Variants in BAIAP2 observed in about 807,000 individuals in gnomAD.
BAIAP2 encodes BAR/IMD domain-containing adapter protein 2.
In BAIAP2, 18 loss-of-function variants were observed where a neutral mutation model predicts 63.0. That is an observed-to-expected ratio of 0.29 (90% confidence interval 0.20 to 0.42). The LOEUF is 0.42. BAIAP2 is among the 10% of genes least tolerant of loss of function. The pLI, the probability that BAIAP2 is intolerant of heterozygous loss-of-function variation, is 1.00. For synonymous variants in BAIAP2, 386 were observed against 307.6 expected (o/e 1.25, Z -2.67); for missense variants, 610 against 734.3 (o/e 0.83, Z 1.96).
intron 6 of BAIAP2, among the ~76,000 whole-genome samples, chr17:81,089,054 C>T (rs960150096): frequency 6.6e-6 from 1 of 152,276 alleles, no homozygotes; most frequent in African/African-American, 2.4e-5. Flanking sequence ...TCTGCCTGCC[C>T]TCCGCGCTGC....
intron 13 of BAIAP2, among the ~76,000 whole-genome samples, chr17:81,115,307 C>G (rs2060404181): frequency 6.6e-6 from 1 of 152,242 alleles, no homozygotes; most frequent in African/African-American, 2.4e-5. Flanking sequence ...CTGGATGCCC[C>G]CATGCCAGGG....
At chr17:81,096,966 A>G (rs558773494) in intron 6 of BAIAP2, among the ~76,000 whole-genome samples, 28 of 152,068 alleles carry the variant, frequency 1.8e-4, no homozygotes, top group East Asian at 1.5e-3. Context: ...GGAGGAGAAG[A>G]AGGAGAAAGG....
chr17:81,057,991 C>CAAAGAA lies in BAIAP2; in HGVS notation c.217+24_217+25insAAAGAA. On this transcript the variant is annotated intron_variant, in intron 3 of 13. Transcript: ENST00000428708. The stretch of plus-strand genomic sequence containing the variant: ...CGGTGAGACCCCCCCCCCCCCCCCG[C>CAAAGAA]CTGGTAGTCGCCTGATGCCCTCAGG... 2.1e-6 allele frequency: 2 copies of CAAAGAA among 966,064 alleles called. 1 individual carries two copies. The highest frequency in any genetic ancestry group is 7.1e-4 in the Middle Eastern group (2 of 2,810). 59.8% of individuals were successfully genotyped at this position (966,064 alleles called of 1,614,324 possible). A position where few individuals can be genotyped will look rare whatever the true frequency, so the allele number is the denominator to read the frequency against.
rs550731746 is a variant in BAIAP2 at position 81,035,321 on chromosome 17, C to T, written c.54+13C>T. ...AAATGTCTATAAGGTGAGCGCCCCC[C>T]GGCGCCGAGCTGAGCCCGCTCCGTG... On this transcript the variant is annotated intron_variant, in intron 1 of 13. Transcript: ENST00000428708. 1.4e-6 allele frequency: 2 copies of T among 1,417,394 alleles called. No homozygotes were observed. The highest frequency in any genetic ancestry group is 9.3e-7 in the Non-Finnish European group (1 of 1,070,864). The allele number at this position is 1,417,394 out of a possible 1,614,324, so 87.8% of individuals were successfully genotyped here. A position where few individuals can be genotyped will look rare whatever the true frequency, so the allele number is the denominator to read the frequency against.
Position 81,087,675 on chromosome 17 carries a change from G to A in BAIAP2, c.489+1095G>A, listed in dbSNP as rs139709172. The A allele has an allele frequency of 5.8e-3, 884 of 152,344 alleles. 3 individuals are homozygous for A. The highest frequency in any genetic ancestry group is 9.7e-3 in the Non-Finnish European group (662 of 68,076). The allele number at this position is 152,344 out of a possible 1,614,324, so 9.4% of individuals were successfully genotyped here. A position where few individuals can be genotyped will look rare whatever the true frequency, so the allele number is the denominator to read the frequency against. On this transcript the variant is annotated intron_variant, in intron 6 of 13. Transcript: ENST00000428708. ...TGAGAGTCTGTGGAAACAGCCATAC[G>A]GGGGAGCTGGGGGTCCCTCGGGTGC...
intron 12 of BAIAP2, 167 bp from the exon 13 acceptor site, chr17:81,108,308 C>A: frequency 1.5e-6 from 1 of 683,198 alleles, no homozygotes; most frequent in Non-Finnish European, 2.5e-6. Context: ...ACCAGGGCTC[C>A]AGGCAGGTCT....
chr17:81,100,373 G>A (rs2058323801), intron 7 of BAIAP2, among the ~76,000 whole-genome samples: 1 of 152,078 alleles, frequency 6.6e-6, no homozygotes, highest in African/African-American at 2.4e-5. Flanking sequence ...TTCTGCCACA[G>A]CCATGTCCTG....
At position 81,063,504 on chromosome 17, in the gene BAIAP2, G is replaced by C. The variant is rs749378265; in HGVS notation, c.217+5537G>C. 2.0e-5 allele frequency among the ~76,000 whole-genome samples: 3 copies of C among 152,238 alleles called. No homozygotes were observed. In the East Asian group the frequency reaches 5.8e-4, roughly 29 times the overall value. Reference sequence around the variant, plus strand: ...AGGGGCCCTGAGGCTGAGCTCTCCTGCGGGATGAATTCCACAAGGCCCCGT... The same window carrying C: ...AGGGGCCCTGAGGCTGAGCTCTCCTCCGGGATGAATTCCACAAGGCCCCGT... On this transcript the variant is annotated intron_variant, in intron 3 of 13. Coordinates refer to ENST00000428708, the MANE Select transcript of BAIAP2 (RefSeq NM_001144888.2).
intron 12 of BAIAP2, 123 bp from the exon 13 acceptor site, chr17:81,108,352 C>G: frequency 8.9e-7 from 1 of 1,125,850 alleles, no homozygotes; most frequent in Non-Finnish European, 1.3e-6. Context: ...GGGAGCCTTC[C>G]AAAGGAACAC....
intron 2 of BAIAP2, chr17:81,056,302 C>T (rs1165812132): frequency 6.6e-6 from 1 of 152,246 alleles, no homozygotes; most frequent in Non-Finnish European, 1.5e-5. Flanking sequence ...GGGTCTGAAT[C>T]TTGGCCATTA....
chr17:81,054,418 T>G (rs1262314652), intron 2 of BAIAP2, among the ~76,000 whole-genome samples: 4 of 152,162 alleles, frequency 2.6e-5, no homozygotes, highest in Admixed American at 2.0e-4. Flanking sequence ...AAAGGAGGTC[T>G]TCTGTTCCAG....
rs777695629 is a variant in BAIAP2, at chr17:81,103,699, C to T, written c.840C>T (p.Pro280=). 2 of 1,594,086 alleles carry T rather than the reference C, an allele frequency of 1.3e-6. No homozygotes were observed. The highest frequency in any genetic ancestry group is 1.1e-5 in the South Asian group (1 of 90,458). ...CGGGGGCCAAGCCCCTGCCGGTGCCCCCCGAGCTGGCACCGTTCGTGGGGG... is the reference window on the plus strand; with the variant it reads ...CGGGGGCCAAGCCCCTGCCGGTGCCTCCCGAGCTGGCACCGTTCGTGGGGG... ...PIPGAKPLPV[P]PELAPFVGRM... is the part of the protein sequence containing the mutation. The change falls in exon 8 of 14, where the codon CCC becomes CCT. Residue 280 remains proline, a synonymous_variant. Transcript: ENST00000428708.
At chr17:81,099,537 A>G (rs747542955) in intron 6 of BAIAP2, among the ~76,000 whole-genome samples, 1 of 152,146 alleles carries the variant, frequency 6.6e-6, no homozygotes, top group Non-Finnish European at 1.5e-5. Flanking sequence ...CCTGGGGCCC[A>G]TGGAGCTGGG....
intron 1 of BAIAP2, among the ~76,000 whole-genome samples, chr17:81,052,829 G>C (rs1019564233): frequency 6.6e-6 from 1 of 152,170 alleles, no homozygotes; most frequent in East Asian, 1.9e-4. Flanking sequence ...CGACAGGGCT[G>C]GGCGGCTTCC....
chr17:81,049,595 C>T (rs1270712545), intron 1 of BAIAP2, among the ~76,000 whole-genome samples: 2 of 152,242 alleles, frequency 1.3e-5, no homozygotes, highest in African/African-American at 4.8e-5. Context: ...AGCTCAGCTC[C>T]TTCCTGGTGG....
chr17:81,061,118 C>T (rs1184190860), intron 3 of BAIAP2, among the ~76,000 whole-genome samples: 2 of 152,022 alleles, frequency 1.3e-5, no homozygotes, highest in African/African-American at 4.8e-5. Flanking sequence ...AGCGAGACTC[C>T]GTCTCAAAAA....
chr17:81,043,570 C>G (rs2047378925), intron 1 of BAIAP2, among the ~76,000 whole-genome samples: 1 of 152,180 alleles, frequency 6.6e-6, no homozygotes, highest in Non-Finnish European at 1.5e-5. Context: ...CCCACAGCGT[C>G]CTGGCACCCG....
chr17:81,038,967 C>T (rs934717386), intron 1 of BAIAP2, among the ~76,000 whole-genome samples: 12 of 152,210 alleles, frequency 7.9e-5, no homozygotes, highest in African/African-American at 2.7e-4. Context: ...GCTCCGTGCG[C>T]GTGTACATGT....
At chr17:81,108,757 G>A in intron 13 of BAIAP2, 2 of 920,378 alleles carry the variant, frequency 2.2e-6, no homozygotes, top group East Asian at 2.7e-5. Flanking sequence ...GTCAGGCAAG[G>A]TTGGGGAGGG....
Sources: gnomAD v4.1 joint callset for allele counts (sites outside exome capture counted in the v4.1 genomes callset) on GRCh38, gnomAD v4.1.1 for gene constraint, MANE v1.5 for transcripts, NCBI Gene and HGNC (gene_info 2026-07-23, HGNC 2026-07-21) for gene names.